Variants in ARAF observed in about 807,000 individuals in gnomAD.
The protein encoded by ARAF is A-Raf proto-oncogene, serine/threonine kinase, also known as serine/threonine-protein kinase A-Raf.
Under a neutral mutation model 48.0 loss-of-function variants are expected in ARAF, and 18 were observed. The ratio of observed to expected loss-of-function variants is 0.37; its 90% confidence interval spans 0.26 to 0.56. ARAF has a LOEUF of 0.56. Among genes scored for constraint, ARAF ranks in the 20% least tolerant of loss-of-function variants. The pLI is 0.77. For missense variants in ARAF, 389 were observed against 543.1 expected (o/e 0.72, Z 2.82); for synonymous variants, 207 against 220.1 (o/e 0.94, Z 0.53).
chrX:47,563,942 C>T (rs1460496372), intron 3 of ARAF, among the ~76,000 whole-genome samples: 1 of 111,917 alleles, frequency 8.9e-6, no homozygotes, highest in African/African-American at 3.3e-5. Flanking sequence ...TGGGCGGTAG[C>T]GTAGACAGTG....
In ARAF at chrX:47,571,694, C is replaced by A. The variant is rs2057759308; in HGVS notation, c.*237C>A. 2.5e-6 allele frequency: 1 copy of A among 407,574 alleles called. No homozygotes were observed. 33.6% of individuals were successfully genotyped at this position (407,574 alleles called of 1,213,427 possible). ...TGGTTTCCTCTTGGCTTTGGGGATACTTCTAAATTTTGGGAGCTCCTCCAT... is the reference window on the plus strand; with the variant it reads ...TGGTTTCCTCTTGGCTTTGGGGATAATTCTAAATTTTGGGAGCTCCTCCAT... On this transcript the variant is annotated 3_prime_UTR_variant, in exon 16 of 16. Transcript: ENST00000377045.
rs1295243037 is a variant in ARAF, at chrX:47,571,436, C to T, written c.1800C>T (p.Ser600=). 18 of 1,204,548 alleles carry T rather than the reference C, an allele frequency of 1.5e-5. No homozygotes were observed. The highest frequency in any genetic ancestry group is 4.6e-4 in the Middle Eastern group (2 of 4,357). The change falls in exon 16 of 16, where the codon AGC becomes AGT. Residue 600 remains serine (S), a synonymous_variant. Coordinates refer to ENST00000377045, the MANE Select transcript of ARAF (RefSeq NM_001654.5). ...QADELPACLL[S]AARLVP ...ATGAGTTGCCTGCCTGCCTACTCAG[C>T]GCAGCCCGCCTTGTGCCTTAGGCCC...
At chrX:47,565,423 C>T (rs2057728638) in intron 6 of ARAF, 73 bp downstream of exon 6, 2 of 1,153,591 alleles carry the variant, frequency 1.7e-6, no homozygotes, top group African/African-American at 1.8e-5. Context: ...ACGAGCCATA[C>T]TTTATTCATT....
rs376805803 is a variant in ARAF, at chrX:47,564,917, G to A, written c.303+18G>A. On this transcript the variant is annotated intron_variant, in intron 4 of 15. Coordinates refer to ENST00000377045, the MANE Select transcript of ARAF (RefSeq NM_001654.5). ...ACAATTTTGTGAGTGCAGGGTGGAC[G>A]GTGGGGGTGGACCATGGTTGGGGGT... The A allele has an allele frequency of 2.7e-5, 33 of 1,210,043 alleles. No homozygotes were observed. The highest frequency in any genetic ancestry group is 5.3e-5 in the South Asian group (3 of 56,973).
chrX:47,570,306 G>A, intron 14 of ARAF: 1 of 284,308 alleles, frequency 3.5e-6, no homozygotes, highest in East Asian at 5.7e-5. Context: ...ATCCCCTGAG[G>A]CCCCCAAATA....
At chrX:47,568,632 TA>T in intron 10 of ARAF, 85 bp from the exon 11 acceptor site, 1 of 1,010,143 alleles carries the variant, frequency 9.9e-7, no homozygotes, top group Non-Finnish European at 1.4e-6. Flanking sequence ...CCGAGGAAGG[TA>T]AAGAACAGTG....
At position 47,562,978 on chromosome X, in the gene ARAF, C is replaced by G. The variant is rs1376896677; in HGVS notation, c.11C>G (p.Pro4Arg). MEPPRGPPANGAEP... is the reference protein window; with the variant it reads MEPRRGPPANGAEP... ...AAAATCTAAGGCTCCATGGAGCCAC[C>G]ACGGGGCCCCCCTGCCAATGGGGCC... is the stretch of plus-strand genomic sequence containing the variant. The change falls in exon 2 of 16, where the codon CCA becomes CGA. Residue 4 changes from proline to arginine, a missense_variant. By Grantham distance (103) the Pro-to-Arg change is moderately radical (BLOSUM62 -2). Transcript: ENST00000377045. 8.5e-7 allele frequency: 1 copy of G among 1,176,552 alleles called. No individual in the cohort carries two copies. Among genetic ancestry groups the G allele is most frequent in the South Asian group, 1.9e-5 (1 of 52,930 alleles).
rs111385806 is a variant in ARAF, at chrX:47,567,217, A to T, written c.874-13A>T. 2.5e-3 allele frequency: 3,043 copies of T among 1,209,636 alleles called. 48 individuals are homozygous for T. The African/African-American group carries it at 0.041, about 16-fold the overall frequency. ...TGGGCAGGCCTCTTAGATGCCACCC[A>T]TCTGGCCCACAGAAGAACCTGGGGT... On this transcript the variant is annotated splice_polypyrimidine_tract_variant and intron_variant, in intron 9 of 15. Coordinates refer to ENST00000377045, the MANE Select transcript of ARAF (RefSeq NM_001654.5).
chrX:47,565,926 TCATA>T (rs2057730897), intron 6 of ARAF: 1 of 159,779 alleles, frequency 6.3e-6, no homozygotes, highest in Admixed American at 9.7e-5. Flanking sequence ...ATGTAGAACA[TCATA>T]CATGTTTATA....
Position 47,565,011 on chromosome X carries a change from G to A in ARAF, c.330G>A (p.Ala110=), listed in dbSNP as rs538541233. 192 of 1,210,348 alleles carry A rather than the reference G, an allele frequency of 1.6e-4. 1 individual carries two copies. In the South Asian group the frequency reaches 2.2e-3, roughly 14 times the overall value. Residue 110 remains alanine, a synonymous_variant, in exon 5 of 16, where the codon GCG becomes GCA. Coordinates refer to ENST00000377045, the MANE Select transcript of ARAF (RefSeq NM_001654.5). The part of the protein sequence containing the change: ...NFVRKTFFSL[A]FCDFCLKFLF... ...TACGGAAGACCTTCTTCAGCCTGGC[G>A]TTCTGTGACTTCTGCCTTAAGTTTC...
chrX:47,569,077 G>A lies in ARAF; in HGVS notation c.1300+44G>A, dbSNP rs772745800. On this transcript the variant is annotated intron_variant, in intron 12 of 15. Transcript: ENST00000377045. ...GCTGGGGTTGAGTGGGGGTGTCAAGGGCTTAGAAGGATGCCTCTTGTGGGG... is the reference window on the plus strand; with the variant it reads ...GCTGGGGTTGAGTGGGGGTGTCAAGAGCTTAGAAGGATGCCTCTTGTGGGG... 3.5e-5 allele frequency: 41 copies of A among 1,156,736 alleles called. No individual in the cohort carries two copies. In the South Asian group the frequency reaches 7.2e-4, roughly 20 times the overall value.
chrX:47,566,430 T>C (rs1195985422), intron 6 of ARAF, among the ~76,000 whole-genome samples: 9 of 112,474 alleles, frequency 8.0e-5, no homozygotes, highest in Non-Finnish European at 1.5e-4. Context: ...AACTGTTATT[T>C]TGTTTTACAG....
At position 47,566,897 on chromosome X, in the gene ARAF, G is replaced by A. The variant is rs1187147586; in HGVS notation, c.713G>A (p.Ser238Asn). Residue 238 changes from serine to asparagine, a missense_variant, in exon 8 of 16, where the codon AGT becomes AAT. This residue lies in a region of ARAF where 154 missense variants were observed against 133.6 expected (regional missense o/e 1.15). Coordinates refer to ENST00000377045, the MANE Select transcript of ARAF (RefSeq NM_001654.5). ...DSNLIQLTGQSFSTDAAGSRG... is the reference protein window; with the variant it reads ...DSNLIQLTGQNFSTDAAGSRG... Reference sequence around the variant, plus strand: ...CTCTTCTTCTAGCTCACTGGCCAGAGTTTCAGCACTGATGGTGAGTCCCCT... The same window carrying A: ...CTCTTCTTCTAGCTCACTGGCCAGAATTTCAGCACTGATGGTGAGTCCCCT... The A allele has an allele frequency of 8.3e-7, 1 of 1,211,611 alleles. No individual in the cohort carries two copies. Among genetic ancestry groups the A allele is most frequent in the Non-Finnish European group, 1.1e-6 (1 of 895,533 alleles).
At position 47,568,973 on chromosome X, in the gene ARAF, C is replaced by T; in HGVS notation, c.1254-14C>T. On this transcript the variant is annotated splice_polypyrimidine_tract_variant and intron_variant, in intron 11 of 15. Transcript: ENST00000377045. ...AACCCCCAGCCAATCCGCCACCTGCCTCCACCCCCACAGCTACCTCCATGC... is the reference window on the plus strand; with the variant it reads ...AACCCCCAGCCAATCCGCCACCTGCTTCCACCCCCACAGCTACCTCCATGC... 8.3e-7 allele frequency: 1 copy of T among 1,203,709 alleles called. No homozygotes were observed. Among genetic ancestry groups the T allele is most frequent in the African/African-American group, 1.7e-5 (1 of 57,669 alleles).
rs56202823 is a variant in ARAF, at chrX:47,565,309, G to A, written c.516G>A (p.Ser172=). The A allele has an allele frequency of 5.0e-6, 6 of 1,211,668 alleles. No individual in the cohort carries two copies. The highest frequency in any genetic ancestry group is 2.3e-4 in the Middle Eastern group (1 of 4,356). The change falls in exon 6 of 16, where the codon TCG becomes TCA. Residue 172 remains serine, a synonymous_variant. Coordinates refer to ENST00000377045, the MANE Select transcript of ARAF (RefSeq NM_001654.5). ...GCTCCAGACAGCATGAGGCTCCCTC[G>A]AACCGCCCCCTGAATGAGTTGCTAA... The part of the protein sequence containing the change: ...SGGSRQHEAP[S]NRPLNELLTP...
chrX:47,565,607 A>G (rs2057729228), intron 6 of ARAF: 1 of 319,618 alleles, frequency 3.1e-6, no homozygotes, highest in African/African-American at 2.7e-5. Context: ...GAGTTAAGAC[A>G]TGTTCAGTGC....
intron 14 of ARAF, 45 bp from the exon 15 acceptor site, chrX:47,570,833 C>A: frequency 1.7e-6 from 2 of 1,174,846 alleles, no homozygotes; most frequent in Non-Finnish European, 2.3e-6. Context: ...GGCCTCCCAG[C>A]CCCTGACCCC....
At chrX:47,562,667 C>T (rs754144370) in intron 1 of ARAF, among the ~76,000 whole-genome samples, 3 of 110,267 alleles carry the variant, frequency 2.7e-5, no homozygotes, top group South Asian at 3.8e-4. Flanking sequence ...TTCTCTCCCC[C>T]GCAACCCTGT....
intron 15 of ARAF, 78 bp downstream of exon 15, chrX:47,571,090 A>C: frequency 9.1e-7 from 1 of 1,104,678 alleles, no homozygotes; most frequent in East Asian, 3.1e-5. Flanking sequence ...GCAGATGTGA[A>C]TATGAAAGCT....
Sources: gnomAD v4.1 joint callset for allele counts (sites outside exome capture counted in the v4.1 genomes callset) on GRCh38, gnomAD v4.1.1 for gene constraint, gnomAD v4.1.1 regional missense constraint, MANE v1.5 for transcripts, NCBI Gene and HGNC (gene_info 2026-07-23, HGNC 2026-07-21) for gene names.